RFTN2: variants seen among roughly 807,000 people sequenced by gnomAD.
RFTN2 encodes raftlin family member 2.
Under a neutral mutation model 52.7 loss-of-function variants are expected in RFTN2, and 34 were observed. The ratio of observed to expected loss-of-function variants is 0.64; its 90% CI spans 0.49 to 0.86. RFTN2 has a LOEUF of 0.86. RFTN2 is among the 40% of genes least tolerant of loss of function. The pLI, the probability that RFTN2 is intolerant of heterozygous loss-of-function variation, is 0.00. For missense variants in RFTN2, 536 were observed against 600.1 expected (o/e 0.89, Z 1.12); for synonymous variants, 203 against 217.7 (o/e 0.93, Z 0.59).
chr2:197,655,611 G>A (rs1263448552), intron 1 of RFTN2, among the ~76,000 whole-genome samples: 1 of 152,144 alleles, frequency 6.6e-6, no homozygotes, highest in Non-Finnish European at 1.5e-5. Flanking sequence ...AGATCACGAG[G>A]TCAAGAGATC....
chr2:197,604,694 A>AGC (rs2087931096), intron 7 of RFTN2, among the ~76,000 whole-genome samples: 1 of 152,228 alleles, frequency 6.6e-6, no homozygotes, highest in Non-Finnish European at 1.5e-5. Flanking sequence ...CTGTGATGAC[A>AGC]CAGGTCTTTG....
intron 1 of RFTN2, among the ~76,000 whole-genome samples, chr2:197,650,519 G>A (rs1286712546): frequency 6.6e-6 from 1 of 152,158 alleles, no homozygotes; most frequent in African/African-American, 2.4e-5. Flanking sequence ...CTTGGCTTGG[G>A]AATCTTCCTC....
intron 5 of RFTN2, 200 bp from the exon 6 acceptor site, chr2:197,618,121 TC>T (rs1435817261): frequency 7.6e-6 from 2 of 262,076 alleles, no homozygotes; most frequent in Non-Finnish European, 1.4e-5. Flanking sequence ...TTCCACGGTC[TC>T]CCTCTGATGC....
chr2:197,606,378 C>T (rs61577083), intron 7 of RFTN2, among the ~76,000 whole-genome samples: 3,479 of 152,268 alleles, frequency 0.023, 122 homozygotes, highest in African/African-American at 0.081. Context: ...ATGCATGAAT[C>T]TGTATCAGTT....
At chr2:197,661,725 T>C (rs2088979876) in intron 1 of RFTN2, among the ~76,000 whole-genome samples, 1 of 152,212 alleles carries the variant, frequency 6.6e-6, no homozygotes, top group Non-Finnish European at 1.5e-5. Context: ...CTCTTTTCCA[T>C]AGTGGTTTTA....
intron 3 of RFTN2, among the ~76,000 whole-genome samples, chr2:197,643,797 A>G (rs986358142): frequency 6.6e-6 from 1 of 152,070 alleles, no homozygotes; most frequent in Non-Finnish European, 1.5e-5. Flanking sequence ...GTTTTTTTAT[A>G]TTAAAAAATT....
At position 197,569,432 on chromosome 2, in the gene RFTN2, C is replaced by A. The variant is rs1445638138; in HGVS notation, c.*2576G>T. 2 of 152,074 alleles carry A rather than the reference C, an allele frequency of 1.3e-5. No homozygotes were observed. Among genetic ancestry groups the A allele is most frequent in the Non-Finnish European group, 2.9e-5 (2 of 68,030 alleles). 9.4% of individuals were successfully genotyped at this position (152,074 alleles called of 1,614,324 possible). A position where few individuals can be genotyped will look rare whatever the true frequency, so the allele number is the denominator to read the frequency against. ...ACACACATTTAAAATACTCTAGAAC[C>A]ACTTGATCATAAATTATTCGCTATC... is the stretch of plus-strand genomic sequence containing the variant. On this transcript the variant is annotated 3_prime_UTR_variant, in exon 9 of 9. Transcript: ENST00000295049.
rs191777272 is a variant in RFTN2 at position 197,632,106 on chromosome 2, A to C, written c.719-886T>G. On this transcript the variant is annotated intron_variant, in intron 4 of 8. Coordinates refer to ENST00000295049, the MANE Select transcript of RFTN2 (RefSeq NM_144629.3). The stretch of plus-strand genomic sequence containing the variant: ...GGATTTAGAACTTAAAGGAATAGAA[A>C]TAGACATCTGATTTGCTCAAAGTAA... 2.7e-3 allele frequency among the ~76,000 whole-genome samples: 410 copies of C among 152,370 alleles called. 1 individual carries two copies. The highest frequency in any genetic ancestry group is 4.7e-3 in the Non-Finnish European group (321 of 68,032).
At chr2:197,629,700 A>ACACATT (rs1553602918) in intron 5 of RFTN2, among the ~76,000 whole-genome samples, 16 of 109,416 alleles carry the variant, frequency 1.5e-4, no homozygotes, top group Non-Finnish European at 2.4e-4. Flanking sequence ...ACACACACAC[A>ACACATT]TATTTATTTT....
chr2:197,595,926 A>G, intron 8 of RFTN2, 65 bp downstream of exon 8: 1 of 1,101,310 alleles, frequency 9.1e-7, no homozygotes, highest in African/African-American at 1.6e-5. Flanking sequence ...TGGAATTACA[A>G]TGAGAGTTTA....
At chr2:197,613,042 T>G (rs2088089290) in intron 7 of RFTN2, among the ~76,000 whole-genome samples, 1 of 152,250 alleles carries the variant, frequency 6.6e-6, no homozygotes, top group Non-Finnish European at 1.5e-5. Context: ...AGAATATGTG[T>G]AAGAAGATAT....
At chr2:197,612,110 A>T (rs541047360) in intron 7 of RFTN2, among the ~76,000 whole-genome samples, 2 of 152,298 alleles carry the variant, frequency 1.3e-5, no homozygotes, top group East Asian at 3.9e-4. Context: ...AGAGTTCTGT[A>T]GGTGTCTATT....
At chr2:197,624,725 C>G (rs564703326) in intron 5 of RFTN2, among the ~76,000 whole-genome samples, 2 of 151,996 alleles carry the variant, frequency 1.3e-5, no homozygotes, top group African/African-American at 4.8e-5. Flanking sequence ...CTTTGGGAGG[C>G]TGAGGCAGGT....
chr2:197,581,435 C>G (rs1317931346), intron 8 of RFTN2, among the ~76,000 whole-genome samples: 2 of 152,232 alleles, frequency 1.3e-5, no homozygotes, highest in Non-Finnish European at 2.9e-5. Context: ...TGACACCCAT[C>G]AGTCCCAGCA....
intron 7 of RFTN2, among the ~76,000 whole-genome samples, chr2:197,607,100 A>G (rs1047498030): frequency 2.0e-5 from 3 of 152,216 alleles, no homozygotes; most frequent in African/African-American, 7.2e-5. Flanking sequence ...ACAATGATAG[A>G]CTGGATTAAG....
At chr2:197,637,833 G>A (rs955140988) in intron 3 of RFTN2, among the ~76,000 whole-genome samples, 2 of 151,502 alleles carry the variant, frequency 1.3e-5, no homozygotes, top group Non-Finnish European at 2.9e-5. Context: ...GTGATGTTAG[G>A]GTGTCAATTT....
At chr2:197,627,788 T>A (rs1017728258) in intron 5 of RFTN2, among the ~76,000 whole-genome samples, 2 of 151,918 alleles carry the variant, frequency 1.3e-5, no homozygotes, top group Admixed American at 6.6e-5. Flanking sequence ...TTAGAGTGAG[T>A]GTGGAGGGAC....
chr2:197,600,671 T>C (rs756538811), intron 7 of RFTN2, among the ~76,000 whole-genome samples: 17 of 152,186 alleles, frequency 1.1e-4, no homozygotes, highest in Non-Finnish European at 2.2e-4. Context: ...TTATGGCACC[T>C]GAGAGGATGT....
intron 7 of RFTN2, among the ~76,000 whole-genome samples, chr2:197,607,869 C>T (rs1346610558): frequency 6.6e-6 from 1 of 152,058 alleles, no homozygotes; most frequent in Non-Finnish European, 1.5e-5. Flanking sequence ...AAATGTTTAA[C>T]ATTTATGTTC....
Sources: allele counts gnomAD v4.1 joint callset (sites outside exome capture counted in the v4.1 genomes callset), GRCh38; gene constraint gnomAD v4.1.1; transcripts MANE v1.5; gene names NCBI Gene and HGNC (gene_info 2026-07-23, HGNC 2026-07-21).